SLC24A2: variants seen among roughly 807,000 people sequenced by gnomAD.
SLC24A2 encodes the protein sodium/potassium/calcium exchanger 2.
A neutral mutation model predicts 62.0 loss-of-function variants in SLC24A2; 36 were observed. The ratio of observed to expected loss-of-function variants is 0.58; its 90% CI spans 0.44 to 0.77. The LOEUF is 0.77. Ranked by LOEUF, SLC24A2 falls within the 30% of genes least tolerant of loss-of-function variation. The probability of loss-of-function intolerance (pLI) is 0.00; values close to 1 mark genes in which losing one functional copy is unlikely to be tolerated. For missense variants in SLC24A2, 846 were observed against 817.9 expected (o/e 1.03, Z -0.42); for synonymous variants, 358 against 294.0 (o/e 1.22, Z -2.23).
At chr9:20,236,667 C>G in the SLC24A2 span, among the ~76,000 whole-genome samples, 1 of 152,134 alleles carries the variant, frequency 6.6e-6, no homozygotes, top group Non-Finnish European at 1.5e-5. Context: ...TCAGAAACCC[C>G]TGAATAATTG....
chr9:19,610,983 T>C (rs922457240), intron 4 of SLC24A2, among the ~76,000 whole-genome samples: 1 of 152,182 alleles, frequency 6.6e-6, no homozygotes, highest in African/African-American at 2.4e-5. Context: ...ATACAACAAA[T>C]ACATACGTTC....
At chr9:20,070,510 C>A in the SLC24A2 span, among the ~76,000 whole-genome samples, 4 of 152,148 alleles carry the variant, frequency 2.6e-5, no homozygotes, top group African/African-American at 4.8e-5. Context: ...CCAAAGAAAC[C>A]GCAGGCAGCA....
At chr9:20,279,541 AC>A in the SLC24A2 span, among the ~76,000 whole-genome samples, 1 of 152,244 alleles carries the variant, frequency 6.6e-6, no homozygotes, top group Non-Finnish European at 1.5e-5. Context: ...TAAAAAATAA[AC>A]AAAAAATAAA....
chr9:19,648,986 T>C (rs1210941810), intron 2 of SLC24A2, among the ~76,000 whole-genome samples: 1 of 141,670 alleles, frequency 7.1e-6, no homozygotes, highest in African/African-American at 2.7e-5. Flanking sequence ...AATTTTGTCA[T>C]GTTTGATTAA....
At chr9:20,187,736 C>T in the SLC24A2 span, among the ~76,000 whole-genome samples, 6 of 152,296 alleles carry the variant, frequency 3.9e-5, no homozygotes, top group Middle Eastern at 3.4e-3. Context: ...TTTGCACCCA[C>T]GACATCTGAG....
At chr9:20,061,447 C>T in the SLC24A2 span, among the ~76,000 whole-genome samples, 1 of 152,072 alleles carries the variant, frequency 6.6e-6, no homozygotes, top group Non-Finnish European at 1.5e-5. Context: ...CCACCATGCC[C>T]AGCTAATTTT....
chr9:20,224,835 T>G, the SLC24A2 span, among the ~76,000 whole-genome samples: 1 of 152,082 alleles, frequency 6.6e-6, no homozygotes, highest in African/African-American at 2.4e-5. Context: ...CTGTATTAGC[T>G]GCTAACTGCT....
chr9:20,025,922 T>A, the SLC24A2 span, among the ~76,000 whole-genome samples: 1 of 152,284 alleles, frequency 6.6e-6, no homozygotes, highest in East Asian at 1.9e-4. Context: ...GGACAATTTC[T>A]CTTGCCCCTA....
At chr9:19,795,696 T>C in the SLC24A2 span, among the ~76,000 whole-genome samples, 1 of 152,116 alleles carries the variant, frequency 6.6e-6, no homozygotes. Flanking sequence ...GATTTCTTCC[T>C]CTCACAATAT....
chr9:19,846,880 G>T, the SLC24A2 span, among the ~76,000 whole-genome samples: 3 of 152,022 alleles, frequency 2.0e-5, no homozygotes, highest in Non-Finnish European at 4.4e-5. Flanking sequence ...AAAAAAATGA[G>T]GCATGGTGGT....
chr9:20,227,908 C>T, the SLC24A2 span, among the ~76,000 whole-genome samples: 2 of 152,146 alleles, frequency 1.3e-5, no homozygotes, highest in Non-Finnish European at 2.9e-5. Flanking sequence ...AGAAATTCTG[C>T]TCTATCCACA....
chr9:19,601,903 A>G (rs962117918), intron 4 of SLC24A2, among the ~76,000 whole-genome samples: 1 of 152,220 alleles, frequency 6.6e-6, no homozygotes, highest in African/African-American at 2.4e-5. Context: ...GACAGATAAT[A>G]TTCACTAAAT....
At chr9:19,608,778 T>A (rs767773704) in intron 4 of SLC24A2, among the ~76,000 whole-genome samples, 227 of 149,640 alleles carry the variant, frequency 1.5e-3, no homozygotes, top group Admixed American at 5.7e-3. Context: ...TCTCTCTCTC[T>A]CACACACACA....
the SLC24A2 span, among the ~76,000 whole-genome samples, chr9:20,300,079 A>G: frequency 5.3e-5 from 8 of 152,248 alleles, no homozygotes; most frequent in African/African-American, 1.9e-4. Flanking sequence ...GCATATGTAA[A>G]TACACAGATG....
chr9:19,847,941 C>T, the SLC24A2 span, among the ~76,000 whole-genome samples: 5 of 152,262 alleles, frequency 3.3e-5, no homozygotes, highest in South Asian at 4.1e-4. Flanking sequence ...CCTCGGATGG[C>T]GGCAGAGGTT....
At chr9:19,527,674 G>T (rs560552475) in intron 9 of SLC24A2, among the ~76,000 whole-genome samples, 146 of 152,316 alleles carry the variant, frequency 9.6e-4, no homozygotes, top group African/African-American at 3.3e-3. Context: ...CCTAGAGCCA[G>T]TTTTAAACTG....
At chr9:19,817,340 G>A in the SLC24A2 span, among the ~76,000 whole-genome samples, 1 of 151,788 alleles carries the variant, frequency 6.6e-6, no homozygotes, top group Non-Finnish European at 1.5e-5. Context: ...CCCAAAAGAG[G>A]CAAAAGATAG....
chr9:20,209,872 G>T, the SLC24A2 span, among the ~76,000 whole-genome samples: 1 of 152,156 alleles, frequency 6.6e-6, no homozygotes, highest in Non-Finnish European at 1.5e-5. Flanking sequence ...TATACATTTG[G>T]TTTAAGTACG....
intron 5 of SLC24A2, among the ~76,000 whole-genome samples, chr9:19,594,831 C>T (rs1311524464): frequency 6.6e-6 from 1 of 152,118 alleles, no homozygotes; most frequent in Non-Finnish European, 1.5e-5. Context: ...TTTGAAGAGG[C>T]CATGCCTGGC....
Sources: allele counts gnomAD v4.1 joint callset (sites outside exome capture counted in the v4.1 genomes callset), GRCh38; gene constraint gnomAD v4.1.1; transcripts MANE v1.5; gene names NCBI Gene and HGNC (gene_info 2026-07-23, HGNC 2026-07-21).